The following RICTOR variants were observed in gnomAD, a reference collection of about 807,000 sequenced individuals.
RICTOR encodes RPTOR independent companion of MTOR complex 2, also known as rapamycin-insensitive companion of mTOR.
RICTOR carries 49 observed loss-of-function variants against 214.9 expected under a neutral mutation model. That is an observed-to-expected ratio of 0.23 (90% confidence interval 0.18 to 0.29). RICTOR has a LOEUF of 0.29. RICTOR is among the 10% of genes least tolerant of loss of function. The probability of loss-of-function intolerance (pLI) is 1.00; values close to 1 mark genes in which losing one functional copy is unlikely to be tolerated. For synonymous variants in RICTOR, 717 were observed against 711.3 expected (o/e 1.01, Z -0.13); for missense variants, 1,625 against 2,047.0 (o/e 0.79, Z 3.98).
Position 38,982,018 on chromosome 5 carries a change from A to G in RICTOR, c.602T>C (p.Val201Ala). The change falls in exon 8 of 38, where the codon GTG becomes GCG. Residue 201 changes from valine (V) to alanine (A), a missense_variant. Physicochemically the swap from Val to Ala is moderately conservative, Grantham distance 64. Coordinates refer to ENST00000357387, the MANE Select transcript of RICTOR (RefSeq NM_152756.5). ...GTTTAGTCCACCTCGAAGGGCCACC[A>G]CCTCTGGATTCTGAAGTGCTAAAAG... ...ICELALQNPE[V>A]VALRGGLNTI... 1 of 1,611,840 alleles carries G rather than the reference A, an allele frequency of 6.2e-7. No individual in the cohort carries two copies. The highest frequency in any genetic ancestry group is 8.5e-7 in the Non-Finnish European group (1 of 1,178,190).
At chr5:38,955,430 G>GT (rs1749171605) in intron 26 of RICTOR, among the ~76,000 whole-genome samples, 165 bp downstream of exon 26, 2 of 152,054 alleles carry the variant, frequency 1.3e-5, no homozygotes, top group Admixed American at 1.3e-4. Context: ...TGCGTTATCA[G>GT]TAAGGATATT....
At chr5:39,010,553 T>C (rs569060596) in intron 3 of RICTOR, among the ~76,000 whole-genome samples, 11 of 152,304 alleles carry the variant, frequency 7.2e-5, no homozygotes, top group African/African-American at 1.2e-4. Context: ...GAACGTCCTA[T>C]AGACCTGTTG....
intron 8 of RICTOR, among the ~76,000 whole-genome samples, chr5:38,979,012 T>C (rs1211719415): frequency 6.6e-6 from 1 of 152,194 alleles, no homozygotes. Flanking sequence ...GACACTATGA[T>C]TAGTTTTGCC....
intron 37 of RICTOR, 39 bp downstream of exon 37, chr5:38,942,794 T>C: frequency 6.8e-7 from 1 of 1,470,276 alleles, no homozygotes; most frequent in East Asian, 2.3e-5. Flanking sequence ...ACAGAATTAT[T>C]CTTGGAAGAT....
At chr5:39,064,661 C>T (rs2150211370) in intron 2 of RICTOR, among the ~76,000 whole-genome samples, 1 of 152,248 alleles carries the variant, frequency 6.6e-6, no homozygotes, top group South Asian at 2.1e-4. Context: ...GAGGAGGCAG[C>T]AAGTCACTGC....
chr5:39,041,394 T>C (rs1757157067), intron 2 of RICTOR, among the ~76,000 whole-genome samples: 1 of 152,294 alleles, frequency 6.6e-6, no homozygotes, highest in African/African-American at 2.4e-5. Flanking sequence ...CTTAGAAAGA[T>C]AAAAGTTAAC....
intron 32 of RICTOR, 35 bp downstream of exon 32, chr5:38,947,229 A>G: frequency 1.3e-6 from 2 of 1,501,760 alleles, no homozygotes; most frequent in Non-Finnish European, 1.8e-6. Flanking sequence ...ATAGGAAACC[A>G]ACTCATAGGA....
Position 39,039,410 on chromosome 5 carries a change from A to G in RICTOR, c.98-18274T>C, listed in dbSNP as rs531572429. On this transcript the variant is annotated intron_variant, in intron 2 of 37. Coordinates refer to ENST00000357387, the MANE Select transcript of RICTOR (RefSeq NM_152756.5). ...CCATTCAGGACATAGGCATGGGCAAAGACTTCATGTCTAAAACACCAAAAG... is the reference window on the plus strand; with the variant it reads ...CCATTCAGGACATAGGCATGGGCAAGGACTTCATGTCTAAAACACCAAAAG... Among the ~76,000 whole-genome samples, 488 of 152,246 alleles carry G rather than the reference A, an allele frequency of 3.2e-3. 6 individuals carry two copies. Among genetic ancestry groups the G allele is most frequent in the African/African-American group, 0.011 (471 of 41,540 alleles).
In RICTOR at chr5:38,939,281, A is replaced by G; in HGVS notation, c.*3023T>C. 1 of 232,684 alleles carries G rather than the reference A, an allele frequency of 4.3e-6. No homozygotes were observed. Among genetic ancestry groups the G allele is most frequent in the Non-Finnish European group, 8.5e-6 (1 of 117,578 alleles). 14.4% of individuals were successfully genotyped at this position (232,684 alleles called of 1,614,324 possible). On this transcript the variant is annotated 3_prime_UTR_variant, in exon 38 of 38. Transcript: ENST00000357387. Reference sequence around the variant, plus strand: ...GAAAAACTCAGCTTGAATTATCTCAAGCTCTAGATAAAAGAGCTGAAACCC... The same window carrying G: ...GAAAAACTCAGCTTGAATTATCTCAGGCTCTAGATAAAAGAGCTGAAACCC...
At chr5:39,073,068 A>C (rs961103649) in intron 2 of RICTOR, among the ~76,000 whole-genome samples, 1 of 152,258 alleles carries the variant, frequency 6.6e-6, no homozygotes, top group African/African-American at 2.4e-5. Flanking sequence ...TGTAGATAAC[A>C]GTCATTACGT....
intron 3 of RICTOR, among the ~76,000 whole-genome samples, chr5:39,004,776 CTTTT>C (rs70982534): frequency 2.6e-4 from 28 of 105,812 alleles, no homozygotes; most frequent in Non-Finnish European, 7.8e-5. Context: ...CTCTCAGACT[CTTTT>C]TTTTTTTTTT....
At chr5:38,999,375 TAAAAGAA>T (rs1393163834) in intron 5 of RICTOR, among the ~76,000 whole-genome samples, 4 of 151,806 alleles carry the variant, frequency 2.6e-5, no homozygotes, top group African/African-American at 9.6e-5. Flanking sequence ...GCTCAACTGT[TAAAAGAA>T]AAAAGAAAAA....
chr5:38,992,317 A>G (rs191890664), intron 6 of RICTOR, among the ~76,000 whole-genome samples: 4 of 152,270 alleles, frequency 2.6e-5, no homozygotes, highest in African/African-American at 9.6e-5. Flanking sequence ...CCTGGGTGAA[A>G]GAATTCTAAC....
chr5:38,938,708 C>T lies in RICTOR; in HGVS notation c.*3596G>A, dbSNP rs539108580. The T allele has an allele frequency of 4.7e-4, 109 of 232,688 alleles. No homozygotes were observed. Among genetic ancestry groups the T allele is most frequent in the Non-Finnish European group, 7.6e-4 (89 of 117,674 alleles). 14.4% of individuals were successfully genotyped at this position (232,688 alleles called of 1,614,324 possible). On this transcript the variant is annotated 3_prime_UTR_variant, in exon 38 of 38. Coordinates refer to ENST00000357387, the MANE Select transcript of RICTOR (RefSeq NM_152756.5). Reference sequence around the variant, plus strand: ...CTCCTAGAAAGATTCTCACAGATTTCAGTGTTCTTTGATAAGCACTGCTAT... The same window carrying T: ...CTCCTAGAAAGATTCTCACAGATTTTAGTGTTCTTTGATAAGCACTGCTAT...
At chr5:38,950,816 C>A in intron 30 of RICTOR, 96 bp from the exon 31 acceptor site, 1 of 1,009,100 alleles carries the variant, frequency 9.9e-7, no homozygotes, top group South Asian at 2.0e-5. Context: ...TTTTTTTAGT[C>A]ATCTAGAGGA....
At chr5:39,020,314 C>T (rs1580118503) in intron 3 of RICTOR, among the ~76,000 whole-genome samples, 1 of 152,244 alleles carries the variant, frequency 6.6e-6, no homozygotes, top group South Asian at 2.1e-4. Context: ...CTGCATGCTA[C>T]GGAGAAATCT....
intron 2 of RICTOR, among the ~76,000 whole-genome samples, chr5:39,065,727 G>A (rs1306841117): frequency 6.6e-6 from 1 of 152,242 alleles, no homozygotes; most frequent in Non-Finnish European, 1.5e-5. Flanking sequence ...CCCCATGCAA[G>A]TTCAAAACCC....
intron 7 of RICTOR, among the ~76,000 whole-genome samples, chr5:38,987,804 T>C (rs778438451): frequency 6.6e-6 from 1 of 152,152 alleles, no homozygotes; most frequent in Non-Finnish European, 1.5e-5. Flanking sequence ...TGTTAGGGTG[T>C]CGACTTTAGA....
At chr5:39,051,042 T>TATAC (rs1554011851) in intron 2 of RICTOR, among the ~76,000 whole-genome samples, 53 of 145,752 alleles carry the variant, frequency 3.6e-4, no homozygotes, top group African/African-American at 1.3e-3. Context: ...TACATATATA[T>TATAC]ACACACACAC....
Sources: gnomAD v4.1 joint callset for allele counts (sites outside exome capture counted in the v4.1 genomes callset) on GRCh38, gnomAD v4.1.1 for gene constraint, MANE v1.5 for transcripts, NCBI Gene and HGNC (gene_info 2026-07-23, HGNC 2026-07-21) for gene names.